TEX9: variants seen among roughly 807,000 people sequenced by gnomAD.
TEX9 encodes the protein testis expressed 9, also known as testis-expressed protein 9.
In TEX9, 74 loss-of-function variants were observed where a neutral mutation model predicts 59.6. The ratio of observed to expected loss-of-function variants is 1.24; its 90% CI spans 1.03 to 1.51. The LOEUF (loss-of-function observed/expected upper bound fraction) is 1.51, where lower values mean the gene tolerates loss of function less well. TEX9 is among the 40% of genes most tolerant of loss of function. The pLI, the probability that TEX9 is intolerant of heterozygous loss-of-function variation, is 0.00. For missense variants in TEX9, 522 were observed against 447.8 expected (o/e 1.17, Z -1.49); for synonymous variants, 186 against 152.2 (o/e 1.22, Z -1.64).
At chr15:56,267,689 C>G (rs1430731801) in intron 1 of TEX9, among the ~76,000 whole-genome samples, 1 of 152,064 alleles carries the variant, frequency 6.6e-6, no homozygotes, top group Non-Finnish European at 1.5e-5. Context: ...TGATCTCTAT[C>G]TCTGTTTTGG....
intron 1 of TEX9, among the ~76,000 whole-genome samples, chr15:56,256,718 T>A (rs749746119): frequency 6.6e-6 from 1 of 152,050 alleles, no homozygotes; most frequent in Admixed American, 6.6e-5. Context: ...TGAAATAGAT[T>A]TTGAAAAGTT....
chr15:56,306,298 A>G (rs1876676166), intron 1 of TEX9, among the ~76,000 whole-genome samples: 1 of 150,370 alleles, frequency 6.7e-6, no homozygotes, highest in African/African-American at 2.4e-5. Context: ...TGTATCAAAG[A>G]GATATCTGCA....
chr15:56,253,580 A>G (rs1307827235), intron 1 of TEX9, among the ~76,000 whole-genome samples: 3 of 152,160 alleles, frequency 2.0e-5, no homozygotes, highest in African/African-American at 7.2e-5. Context: ...TGTGCTTTCT[A>G]GCTACTCTCA....
At chr15:56,436,831 G>C (rs113709429) in intron 12 of TEX9, among the ~76,000 whole-genome samples, 1 of 152,072 alleles carries the variant, frequency 6.6e-6, no homozygotes, top group East Asian at 1.9e-4. Flanking sequence ...ACACCTCTAC[G>C]CAAATAAACT....
At chr15:56,369,110 G>C (rs868564798) in intron 2 of TEX9, among the ~76,000 whole-genome samples, 2 of 151,864 alleles carry the variant, frequency 1.3e-5, no homozygotes, top group African/African-American at 4.8e-5. Context: ...AATATTATAC[G>C]ATTTTCATAG....
At chr15:56,423,176 T>C (rs2050065406) in intron 10 of TEX9, among the ~76,000 whole-genome samples, 1 of 152,190 alleles carries the variant, frequency 6.6e-6, no homozygotes, top group African/African-American at 2.4e-5. Context: ...TAAAGTCAGG[T>C]TGATTTGAAA....
chr15:56,452,070 C>G, the TEX9 span, among the ~76,000 whole-genome samples: 1 of 152,168 alleles, frequency 6.6e-6, no homozygotes, highest in Admixed American at 6.5e-5. Context: ...CTTATATCTT[C>G]TTTCTACTTG....
At chr15:56,377,559 A>G (rs1413743759) in intron 3 of TEX9, among the ~76,000 whole-genome samples, 1 of 152,092 alleles carries the variant, frequency 6.6e-6, no homozygotes, top group Non-Finnish European at 1.5e-5. Flanking sequence ...GTTGACATAC[A>G]GACACACTAC....
In TEX9 at chr15:56,375,173, G is replaced by C. The variant is rs572076343; in HGVS notation, c.183+1669G>C. Reference sequence around the variant, plus strand: ...CTATTTCTCCACATCCTCTCCAGCAGCTGTTGTTTCCTGACTTTTTAATGA... The same window carrying C: ...CTATTTCTCCACATCCTCTCCAGCACCTGTTGTTTCCTGACTTTTTAATGA... On this transcript the variant is annotated intron_variant, in intron 3 of 12. Coordinates refer to ENST00000352903, the Ensembl canonical transcript of TEX9. 2.6e-3 allele frequency among the ~76,000 whole-genome samples: 390 copies of C among 152,018 alleles called. 3 individuals carry two copies. Among genetic ancestry groups the C allele is most frequent in the African/African-American group, 8.7e-3 (361 of 41,424 alleles).
intron 1 of TEX9, among the ~76,000 whole-genome samples, chr15:56,356,271 T>G (rs1164616246): frequency 1.3e-5 from 2 of 152,146 alleles, no homozygotes; most frequent in East Asian, 3.8e-4. Context: ...AGGGTTTTTT[T>G]GAGATGCCCT....
At chr15:56,406,985 G>T (rs1296495218) in intron 9 of TEX9, among the ~76,000 whole-genome samples, 1 of 151,962 alleles carries the variant, frequency 6.6e-6, no homozygotes, top group Non-Finnish European at 1.5e-5. Context: ...TTACTTTCTT[G>T]TGGTTGGTGC....
At position 56,327,435 on chromosome 15, in the gene TEX9, G is replaced by A. The variant is rs555611375; in HGVS notation, c.-106-46006G>A. On this transcript the variant is annotated intron_variant, in intron 1 of 5. Coordinates refer to the TEX9 transcript ENST00000560827. ...GTATGGGAAAGAATACCATTGGAGGGGGTGAAGCAAGATGGCAAGTAGAAG... is the reference window on the plus strand; with the variant it reads ...GTATGGGAAAGAATACCATTGGAGGAGGTGAAGCAAGATGGCAAGTAGAAG... Among the ~76,000 whole-genome samples, 12 of 152,168 alleles carry A rather than the reference G, an allele frequency of 7.9e-5. No individual in the cohort carries two copies. The South Asian group carries it at 1.9e-3, about 24-fold the overall frequency.
chr15:56,373,421 C>T lies in TEX9; in HGVS notation c.120-20C>T. On this transcript the variant is annotated intron_variant, in intron 2 of 12. Coordinates refer to ENST00000352903, the Ensembl canonical transcript of TEX9. ...TTTTGTTAAGATCTTCAGTATATCCCAATTATTTTCTGCTTTTAGGCGTTT... is the reference window on the plus strand; with the variant it reads ...TTTTGTTAAGATCTTCAGTATATCCTAATTATTTTCTGCTTTTAGGCGTTT... 1 of 1,585,728 alleles carries T rather than the reference C, an allele frequency of 6.3e-7. No homozygotes were observed. The highest frequency in any genetic ancestry group is 8.5e-7 in the Non-Finnish European group (1 of 1,170,062).
intron 10 of TEX9, among the ~76,000 whole-genome samples, chr15:56,414,515 T>C (rs895152336): frequency 1.1e-4 from 17 of 151,770 alleles, no homozygotes; most frequent in African/African-American, 4.1e-4. Flanking sequence ...GTTCCTACAT[T>C]AGTTTGCTAA....
At chr15:56,428,711 C>A (rs1442228778) in intron 12 of TEX9, 1 of 366,608 alleles carries the variant, frequency 2.7e-6, no homozygotes, top group Non-Finnish European at 4.9e-6. Context: ...TTACAGTAGA[C>A]CAAAAAAGAT....
intron 1 of TEX9, among the ~76,000 whole-genome samples, chr15:56,312,863 C>T (rs1238036415): frequency 5.2e-5 from 6 of 114,288 alleles, no homozygotes; most frequent in African/African-American, 2.1e-4. Context: ...TCCTTCACAT[C>T]CCTTGTAAGT....
intron 1 of TEX9, among the ~76,000 whole-genome samples, chr15:56,316,420 TC>T (rs1241925277): frequency 3.7e-5 from 3 of 81,522 alleles, no homozygotes; most frequent in Non-Finnish European, 7.7e-5. Context: ...GTGTGAGGCG[TC>T]AGTGTGCCCC....
chr15:56,455,505 A>T, the TEX9 span, among the ~76,000 whole-genome samples: 1 of 152,184 alleles, frequency 6.6e-6, no homozygotes. Flanking sequence ...TTCCTGTAAT[A>T]TTCTACAGAC....
intron 1 of TEX9, among the ~76,000 whole-genome samples, chr15:56,322,853 C>A (rs955362115): frequency 3.3e-5 from 5 of 150,758 alleles, no homozygotes; most frequent in Non-Finnish European, 7.4e-5. Context: ...AAAAAAATAT[C>A]ACATGTTGAA....
Sources: allele counts gnomAD v4.1 joint callset (sites outside exome capture counted in the v4.1 genomes callset), GRCh38; gene constraint gnomAD v4.1.1; transcripts MANE v1.5; gene names NCBI Gene and HGNC (gene_info 2026-07-23, HGNC 2026-07-21).